Variants in ARSJ observed in about 807,000 individuals in gnomAD.
ARSJ encodes arylsulfatase J.
In ARSJ, 26 loss-of-function variants were observed where a neutral mutation model predicts 35.9. The ratio of observed to expected loss-of-function variants is 0.72; its 90% CI spans 0.53 to 1.00. The LOEUF is 1.00. Among genes scored for constraint, ARSJ ranks in the 50% least tolerant of loss-of-function variants. ARSJ has a pLI of 0.00. For synonymous variants in ARSJ, 294 were observed against 267.6 expected (o/e 1.10, Z -0.96); for missense variants, 667 against 723.6 (o/e 0.92, Z 0.90).
At position 113,900,877 on chromosome 4, in the gene ARSJ, C is replaced by T. The variant is rs866271737; in HGVS notation, c.*1397G>A. Reference sequence around the variant, plus strand: ...AAGGTTACCTACTCCAGGCAGGATCCGTATCTTCCATTTCTCTGTATCTCC... The same window carrying T: ...AAGGTTACCTACTCCAGGCAGGATCTGTATCTTCCATTTCTCTGTATCTCC... On this transcript the variant is annotated 3_prime_UTR_variant, in exon 2 of 2. Coordinates refer to ENST00000315366, the MANE Select transcript of ARSJ (RefSeq NM_024590.4). 3.3e-5 allele frequency: 5 copies of T among 152,108 alleles called. No homozygotes were observed. Among genetic ancestry groups the T allele is most frequent in the Admixed American group, 1.3e-4 (2 of 15,266 alleles). 9.4% of individuals were successfully genotyped at this position (152,108 alleles called of 1,614,324 possible). A position where few individuals can be genotyped will look rare whatever the true frequency, so the allele number is the denominator to read the frequency against.
chr4:113,902,772 C>G lies in ARSJ; in HGVS notation c.1302G>C (p.Trp434Cys). Residue 434 changes from tryptophan (W) to cysteine (C), a missense_variant, in exon 2 of 2, where the codon TGG becomes TGC. Physicochemically the swap from Trp to Cys is radical, Grantham distance 215. Coordinates refer to ENST00000315366, the MANE Select transcript of ARSJ (RefSeq NM_024590.4). ...PIYTKAKNGSWAAGYGIWNTA... is the reference protein window; with the variant it reads ...PIYTKAKNGSCAAGYGIWNTA... Reference sequence around the variant, plus strand: ...TGTTCCAGATCCCATAGCCTGCTGCCCAGGAGCCATTTTTTGCCTTGGTGT... The same window carrying G: ...TGTTCCAGATCCCATAGCCTGCTGCGCAGGAGCCATTTTTTGCCTTGGTGT... The G allele has an allele frequency of 6.2e-7, 1 of 1,614,150 alleles. No homozygotes were observed. The highest frequency in any genetic ancestry group is 1.1e-5 in the South Asian group (1 of 91,080).
intron 1 of ARSJ, among the ~76,000 whole-genome samples, chr4:113,903,969 G>C (rs1018323197): frequency 6.6e-6 from 1 of 152,144 alleles, no homozygotes; most frequent in Admixed American, 6.5e-5. Flanking sequence ...GTCACCCAGG[G>C]TGGAGTGCAG....
At chr4:113,932,382 C>T (rs1724508949) in intron 1 of ARSJ, among the ~76,000 whole-genome samples, 1 of 151,980 alleles carries the variant, frequency 6.6e-6, no homozygotes, top group Admixed American at 6.6e-5. Flanking sequence ...CTGACATATA[C>T]AGAATGTTTA....
intron 1 of ARSJ, among the ~76,000 whole-genome samples, chr4:113,948,342 T>C (rs1369022189): frequency 6.6e-6 from 1 of 152,070 alleles, no homozygotes; most frequent in African/African-American, 2.4e-5. Flanking sequence ...GATCAGTAAA[T>C]CCAAATGGTT....
rs557840659 is a variant in ARSJ at position 113,923,795 on chromosome 4, T to A, written c.399-20120A>T. Among the ~76,000 whole-genome samples, 9 of 151,744 alleles carry A rather than the reference T, an allele frequency of 5.9e-5. No individual in the cohort carries two copies. In the South Asian group the frequency reaches 1.2e-3, roughly 21 times the overall value. On this transcript the variant is annotated intron_variant, in intron 1 of 1. Coordinates refer to ENST00000315366, the MANE Select transcript of ARSJ (RefSeq NM_024590.4). ...GACTAGTGGGTACTGTATTGGATAGTGAAGATGTAGAACATTCCTACAAAA... is the reference window on the plus strand; with the variant it reads ...GACTAGTGGGTACTGTATTGGATAGAGAAGATGTAGAACATTCCTACAAAA...
chr4:113,909,248 C>G (rs1036246028), intron 1 of ARSJ, among the ~76,000 whole-genome samples: 1 of 151,962 alleles, frequency 6.6e-6, no homozygotes, highest in Non-Finnish European at 1.5e-5. Flanking sequence ...AGAATTAGGA[C>G]TAATGGTCAA....
intron 1 of ARSJ, among the ~76,000 whole-genome samples, chr4:113,967,000 G>C (rs1051659222): frequency 2.6e-5 from 4 of 152,150 alleles, no homozygotes; most frequent in Non-Finnish European, 5.9e-5. Flanking sequence ...CAATGACCTA[G>C]TGATTATTTT....
chr4:113,927,404 A>G (rs966972492), intron 1 of ARSJ, among the ~76,000 whole-genome samples: 2 of 152,216 alleles, frequency 1.3e-5, no homozygotes, highest in Non-Finnish European at 2.9e-5. Context: ...TCCAATCAGC[A>G]TAATGTCTTC....
intron 1 of ARSJ, among the ~76,000 whole-genome samples, chr4:113,964,531 A>T (rs1380544050): frequency 5.9e-5 from 9 of 152,132 alleles, no homozygotes; most frequent in Admixed American, 3.9e-4. Context: ...GAACTCTATG[A>T]GACCTTAAAT....
intron 1 of ARSJ, among the ~76,000 whole-genome samples, chr4:113,914,163 C>G (rs968252870): frequency 5.3e-5 from 8 of 151,726 alleles, no homozygotes; most frequent in Non-Finnish European, 1.2e-4. Context: ...TATTACAGAC[C>G]GGGTTTCACT....
At chr4:113,912,938 C>T (rs1156684320) in intron 1 of ARSJ, among the ~76,000 whole-genome samples, 3 of 151,984 alleles carry the variant, frequency 2.0e-5, no homozygotes, top group African/African-American at 7.3e-5. Context: ...TTATTCTACT[C>T]AGACTAATTG....
rs2099667697 is a variant in ARSJ at position 113,903,245 on chromosome 4, T to C, written c.829A>G (p.Arg277Gly). 6.2e-7 allele frequency: 1 copy of C among 1,614,228 alleles called. No homozygotes were observed. Among genetic ancestry groups the C allele is most frequent in the Non-Finnish European group, 8.5e-7 (1 of 1,180,030 alleles). Residue 277 changes from arginine to glycine, a missense_variant, in exon 2 of 2, where the codon AGG becomes GGG. Arg to Gly is a moderately radical substitution (Grantham distance 125). Transcript: ENST00000315366. Reference protein sequence around the residue: ...AVHSPLQAPGRYFEHYRSIIN... With the variant: ...AVHSPLQAPGGYFEHYRSIIN... ...ATGGATCGGTAGTGTTCGAAATACC[T>C]GCCAGGAGCTTGCAGTGGTGAATGA...
At chr4:113,963,977 C>CT (rs201019456) in intron 1 of ARSJ, among the ~76,000 whole-genome samples, 144 of 151,080 alleles carry the variant, frequency 9.5e-4, no homozygotes, top group African/African-American at 2.2e-3. Flanking sequence ...TTTTAAATTG[C>CT]TTTTTTTTTG....
intron 1 of ARSJ, among the ~76,000 whole-genome samples, chr4:113,967,210 T>C (rs1273923565): frequency 6.6e-6 from 1 of 152,206 alleles, no homozygotes; most frequent in Non-Finnish European, 1.5e-5. Flanking sequence ...CACATCTTAT[T>C]ACACCCAAGA....
At chr4:113,907,021 C>G (rs2099668951) in intron 1 of ARSJ, among the ~76,000 whole-genome samples, 1 of 152,150 alleles carries the variant, frequency 6.6e-6, no homozygotes, top group African/African-American at 2.4e-5. Flanking sequence ...GTTTTCTCCC[C>G]AGCACCCTCA....
intron 1 of ARSJ, among the ~76,000 whole-genome samples, chr4:113,927,864 A>G (rs1405715573): frequency 1.3e-5 from 2 of 152,156 alleles, no homozygotes; most frequent in African/African-American, 4.8e-5. Flanking sequence ...ATCCAGGGAT[A>G]CAATATTATT....
intron 1 of ARSJ, among the ~76,000 whole-genome samples, chr4:113,963,282 TA>T (rs1237278136): frequency 6.6e-6 from 1 of 152,082 alleles, no homozygotes; most frequent in Non-Finnish European, 1.5e-5. Flanking sequence ...CATGTTGCTA[TA>T]AAGGACTGCC....
chr4:113,973,773 T>C (rs1007653144), intron 1 of ARSJ, among the ~76,000 whole-genome samples: 1 of 152,206 alleles, frequency 6.6e-6, no homozygotes, highest in African/African-American at 2.4e-5. Flanking sequence ...CCAAGCTATT[T>C]GCATCTGTAC....
At chr4:113,963,629 A>G (rs1177690220) in intron 1 of ARSJ, among the ~76,000 whole-genome samples, 1 of 152,056 alleles carries the variant, frequency 6.6e-6, no homozygotes, top group African/African-American at 2.4e-5. Flanking sequence ...GCCAAACCAT[A>G]ATCACCCAGT....
Sources: allele counts gnomAD v4.1 joint callset (sites outside exome capture counted in the v4.1 genomes callset), GRCh38; gene constraint gnomAD v4.1.1; transcripts MANE v1.5; gene names NCBI Gene and HGNC (gene_info 2026-07-23, HGNC 2026-07-21).